The following ASTN2 variants were observed in gnomAD, a reference collection of about 807,000 sequenced individuals.
ASTN2 encodes the protein astrotactin 2.
A neutral mutation model predicts 139.8 loss-of-function variants in ASTN2; 54 were observed. That is an observed-to-expected ratio of 0.39 (90% CI 0.31 to 0.48). The LOEUF is 0.48. Among genes scored for constraint, ASTN2 ranks in the 20% least tolerant of loss-of-function variants. The pLI is 0.95. For missense variants in ASTN2, 1,565 were observed against 1,725.1 expected (o/e 0.91, Z 1.64); for synonymous variants, 756 against 719.5 (o/e 1.05, Z -0.81).
intron 10 of ASTN2, among the ~76,000 whole-genome samples, chr9:116,918,568 A>T (rs150506208): frequency 5.0e-4 from 76 of 152,128 alleles, no homozygotes; most frequent in Admixed American, 6.5e-4. Context: ...CTTTTTTTTC[A>T]TATTTTTTCA....
At chr9:116,512,511 A>C (rs1458424801) in intron 19 of ASTN2, among the ~76,000 whole-genome samples, 1 of 152,202 alleles carries the variant, frequency 6.6e-6, no homozygotes, top group African/African-American at 2.4e-5. Context: ...GTAGATGTCT[A>C]TTAGGTCCGC....
At chr9:117,109,828 G>C (rs555315335) in intron 4 of ASTN2, among the ~76,000 whole-genome samples, 1 of 151,988 alleles carries the variant, frequency 6.6e-6, no homozygotes, top group Non-Finnish European at 1.5e-5. Context: ...CAGCCTTTCC[G>C]GGAGTATTCT....
chr9:117,135,148 A>T (rs1157928643), intron 4 of ASTN2, among the ~76,000 whole-genome samples: 3 of 152,212 alleles, frequency 2.0e-5, no homozygotes, highest in Middle Eastern at 6.3e-3. Flanking sequence ...TCACAGCTCA[A>T]AGATCTTAGT....
chr9:117,057,461 G>T (rs556586584), intron 5 of ASTN2, among the ~76,000 whole-genome samples: 1 of 152,082 alleles, frequency 6.6e-6, no homozygotes, highest in African/African-American at 2.4e-5. Context: ...AAATTTATGG[G>T]ACAGCAATAA....
chr9:116,662,224 CTGCTTTTTA>C (rs1204044468), intron 16 of ASTN2, among the ~76,000 whole-genome samples: 3 of 152,024 alleles, frequency 2.0e-5, no homozygotes, highest in Non-Finnish European at 4.4e-5. Context: ...ATAGTAGTCT[CTGCTTTTTA>C]TGTATAAAAT....
intron 2 of ASTN2, among the ~76,000 whole-genome samples, chr9:117,283,421 T>G: frequency 6.7e-6 from 1 of 149,678 alleles, no homozygotes; most frequent in South Asian, 2.1e-4. Flanking sequence ...AGTTCTACTT[T>G]CTGGAAAAAA....
chr9:116,943,448 C>G (rs1357767941), intron 10 of ASTN2, among the ~76,000 whole-genome samples: 1 of 152,156 alleles, frequency 6.6e-6, no homozygotes, highest in African/African-American at 2.4e-5. Context: ...AAGCCAGATT[C>G]AGAGGTTCTA....
chr9:116,674,160 C>T (rs1049923677), intron 16 of ASTN2, among the ~76,000 whole-genome samples: 17 of 152,326 alleles, frequency 1.1e-4, no homozygotes, highest in Admixed American at 8.5e-4. Flanking sequence ...GATGCTGACC[C>T]TCCCTAAACT....
rs534437142 is a variant in ASTN2 at position 116,439,436 on chromosome 9, G to A, written c.3782+1173C>T. Among the ~76,000 whole-genome samples, 21 of 139,620 alleles carry A rather than the reference G, an allele frequency of 1.5e-4. 2 individuals are homozygous for A. In the East Asian group the frequency reaches 3.3e-3, roughly 22 times the overall value. 91.6% of individuals were successfully genotyped at this position (139,620 alleles called of 152,430 possible). On this transcript the variant is annotated intron_variant, in intron 22 of 22. Coordinates refer to ENST00000313400, the MANE Select transcript of ASTN2 (RefSeq NM_001365068.1). Reference sequence around the variant, plus strand: ...GGGATGGTCTCGATCTCCTGACCTCGTGATCCGCCCGCCTCGGCCTCCCAA... The same window carrying A: ...GGGATGGTCTCGATCTCCTGACCTCATGATCCGCCCGCCTCGGCCTCCCAA...
At chr9:117,092,651 A>C (rs1316444083) in intron 5 of ASTN2, among the ~76,000 whole-genome samples, 1 of 152,178 alleles carries the variant, frequency 6.6e-6, no homozygotes, top group African/African-American at 2.4e-5. Context: ...CTATTAGATG[A>C]CCATTCTCAA....
intron 4 of ASTN2, among the ~76,000 whole-genome samples, chr9:117,115,282 C>T (rs771526840): frequency 3.3e-5 from 5 of 151,924 alleles, no homozygotes; most frequent in Admixed American, 1.3e-4. Flanking sequence ...TTTGGGAGGC[C>T]GAGGCAGGTG....
At chr9:116,446,428 G>A (rs1420190892) in intron 20 of ASTN2, among the ~76,000 whole-genome samples, 2 of 152,118 alleles carry the variant, frequency 1.3e-5, no homozygotes, top group Non-Finnish European at 2.9e-5. Flanking sequence ...TAAAACTCCT[G>A]TACCATCAAC....
chr9:116,461,660 T>C (rs549434708), intron 20 of ASTN2, among the ~76,000 whole-genome samples: 2 of 152,230 alleles, frequency 1.3e-5, no homozygotes, highest in African/African-American at 2.4e-5. Context: ...TCCCATCTCA[T>C]AGGCCAATGT....
At chr9:116,981,014 C>T (rs991242427) in intron 7 of ASTN2, among the ~76,000 whole-genome samples, 1 of 152,096 alleles carries the variant, frequency 6.6e-6, no homozygotes, top group Non-Finnish European at 1.5e-5. Context: ...TAGTACCTTC[C>T]TTGCTCACCA....
chr9:117,070,557 G>A (rs1828087391), intron 5 of ASTN2, among the ~76,000 whole-genome samples: 2 of 142,646 alleles, frequency 1.4e-5, no homozygotes, highest in African/African-American at 2.7e-5. Flanking sequence ...ACGATGGCCT[G>A]CCTTGCTAGA....
chr9:116,978,514 C>CAT (rs1836420697), intron 7 of ASTN2, among the ~76,000 whole-genome samples: 1 of 146,788 alleles, frequency 6.8e-6, no homozygotes. Flanking sequence ...CACACACACA[C>CAT]ACACACACAG....
intron 2 of ASTN2, among the ~76,000 whole-genome samples, chr9:117,223,580 T>C (rs1223986367): frequency 6.6e-6 from 1 of 152,162 alleles, no homozygotes; most frequent in African/African-American, 2.4e-5. Context: ...CCTATCTATC[T>C]ACGTCTTATT....
chr9:116,659,222 T>G (rs1269439827), intron 16 of ASTN2, among the ~76,000 whole-genome samples: 1 of 152,200 alleles, frequency 6.6e-6, no homozygotes, highest in African/African-American at 2.4e-5. Context: ...AATATATTTC[T>G]CTCCAAATAT....
intron 10 of ASTN2, among the ~76,000 whole-genome samples, chr9:116,905,182 G>A (rs1325446806): frequency 1.3e-5 from 2 of 152,138 alleles, no homozygotes; most frequent in Non-Finnish European, 2.9e-5. Flanking sequence ...TGGGGAGGCA[G>A]ATTTTCCTGT....
Sources: allele counts gnomAD v4.1 joint callset (sites outside exome capture counted in the v4.1 genomes callset), GRCh38; gene constraint gnomAD v4.1.1; transcripts MANE v1.5; gene names NCBI Gene and HGNC (gene_info 2026-07-23, HGNC 2026-07-21).